SRGAP2: variants seen among roughly 807,000 people sequenced by gnomAD.
The protein encoded by SRGAP2 is SLIT-ROBO Rho GTPase-activating protein 2.
In SRGAP2, 15 loss-of-function variants were observed where a neutral mutation model predicts 57.2. The observed-to-expected ratio is 0.26, with a 90% CI of 0.18 to 0.40. The LOEUF (loss-of-function observed/expected upper bound fraction) is 0.40, where lower values mean the gene tolerates loss of function less well. Among genes scored for constraint, SRGAP2 ranks in the 10% least tolerant of loss-of-function variants. The probability of loss-of-function intolerance (pLI) is 1.00; values close to 1 mark genes in which losing one functional copy is unlikely to be tolerated. For missense variants in SRGAP2, 520 were observed against 669.6 expected (o/e 0.78, Z 2.47); for synonymous variants, 249 against 248.0 (o/e 1.00, Z -0.04).
At chr1:206,441,056 C>T (rs184610841) in intron 17 of SRGAP2, among the ~76,000 whole-genome samples, 1 of 152,132 alleles carries the variant, frequency 6.6e-6, no homozygotes, top group Non-Finnish European at 1.5e-5. Flanking sequence ...CAGGATTTGC[C>T]CATGGATTAT....
At chr1:206,277,163 C>T (rs1232687273) in intron 2 of SRGAP2, among the ~76,000 whole-genome samples, 1 of 148,126 alleles carries the variant, frequency 6.8e-6, no homozygotes, top group Non-Finnish European at 1.5e-5. Context: ...CGAGATTTCT[C>T]CATGTTGTTC....
At chr1:206,341,131 G>A (rs574471851) in intron 3 of SRGAP2, among the ~76,000 whole-genome samples, 16 of 152,328 alleles carry the variant, frequency 1.1e-4, no homozygotes, top group African/African-American at 3.8e-4. Context: ...AGTATGGCAT[G>A]ATTATTTGTT....
chr1:206,307,643 A>G (rs1360840658), intron 3 of SRGAP2, among the ~76,000 whole-genome samples: 29 of 152,326 alleles, frequency 1.9e-4, no homozygotes, highest in Non-Finnish European at 3.5e-4. Flanking sequence ...CACAGCGCCG[A>G]TGGGCCGGCA....
rs200308937 is a variant in SRGAP2, at chr1:206,461,118, G to A, written c.2914G>A (p.Val972Met). Residue 972 changes from valine to methionine, a missense_variant, in exon 23 of 23, where the codon GTG becomes ATG. Around this residue, in one of 5 missense-constraint regions of SRGAP2, gnomAD observed 478 missense variants for 373.6 expected, o/e 1.28. Coordinates refer to ENST00000573034, the MANE Select transcript of SRGAP2 (RefSeq NM_015326.5). ...GAGCAGTGTCAAACACACCCCTGAC[G>A]TGGTTCTGGACACCTTGGAGCCCCT... ...RQSSVKHTPD[V>M]VLDTLEPLKT... 205 of 779,820 alleles carry A rather than the reference G, an allele frequency of 2.6e-4. No homozygotes were observed. Among genetic ancestry groups the A allele is most frequent in the Non-Finnish European group, 1.0e-4 (43 of 417,258 alleles). 48.3% of individuals were successfully genotyped at this position (779,820 alleles called of 1,614,324 possible). A position where few individuals can be genotyped will look rare whatever the true frequency, so the allele number is the denominator to read the frequency against.
At chr1:206,459,316 A>G (rs1664079029) in intron 22 of SRGAP2, among the ~76,000 whole-genome samples, 1 of 151,416 alleles carries the variant, frequency 6.6e-6, no homozygotes, top group African/African-American at 2.5e-5. Context: ...ATCAGGTGTA[A>G]TCCTGGCCAC....
intron 2 of SRGAP2, among the ~76,000 whole-genome samples, chr1:206,243,661 G>C (rs1186258788): frequency 6.6e-6 from 1 of 152,204 alleles, no homozygotes; most frequent in Non-Finnish European, 1.5e-5. Context: ...GGGATCTAGA[G>C]AGAAAGGGCA....
chr1:206,458,554 C>A (rs1452106924), intron 21 of SRGAP2, 69 bp from the exon 22 acceptor site: 4 of 673,384 alleles, frequency 5.9e-6, no homozygotes, highest in Non-Finnish European at 8.2e-6. Context: ...TCTGCCCCCT[C>A]CCACTTATCC....
intron 2 of SRGAP2, among the ~76,000 whole-genome samples, chr1:206,227,104 A>G (rs1667321167): frequency 6.6e-6 from 1 of 151,808 alleles, no homozygotes; most frequent in African/African-American, 2.4e-5. Flanking sequence ...TGACTGTGCC[A>G]ATACTGTACT....
intron 17 of SRGAP2, among the ~76,000 whole-genome samples, chr1:206,441,385 C>T (rs1377292515): frequency 2.0e-5 from 3 of 152,094 alleles, no homozygotes; most frequent in Non-Finnish European, 2.9e-5. Flanking sequence ...GAGGGGGCCG[C>T]GGGTGTGGAT....
At chr1:206,393,512 A>G (rs1368247756) in intron 6 of SRGAP2, 33 bp from the exon 7 acceptor site, 3 of 760,708 alleles carry the variant, frequency 3.9e-6, no homozygotes, top group Non-Finnish European at 2.4e-6. Flanking sequence ...TTAAAAAAAA[A>G]AAGGTAAAAG....
intron 4 of SRGAP2, among the ~76,000 whole-genome samples, chr1:206,372,960 CTTTCCTTTCTTTCTTTCTTT>C (rs1558358749): frequency 0.055 from 994 of 17,992 alleles, 107 homozygotes; most frequent in Middle Eastern, 0.16. Flanking sequence ...TCTTTCTTTT[CTTTCCTTTCTTTCTTTCTTT>C]CTTTCTTTCT....
chr1:206,341,010 A>G (rs2102912874), intron 3 of SRGAP2, among the ~76,000 whole-genome samples: 1 of 152,362 alleles, frequency 6.6e-6, no homozygotes, highest in Non-Finnish European at 1.5e-5. Flanking sequence ...GTACCTGGAT[A>G]TAGGTTTAGA....
chr1:206,436,017 A>G (rs1207665790), intron 14 of SRGAP2, among the ~76,000 whole-genome samples: 3 of 152,168 alleles, frequency 2.0e-5, no homozygotes, highest in Non-Finnish European at 2.9e-5. Context: ...ACTTCATAGC[A>G]AGCTTGTTCA....
At chr1:206,333,476 G>A (rs1458121917) in intron 3 of SRGAP2, 18 of 1,490,484 alleles carry the variant, frequency 1.2e-5, no homozygotes, top group South Asian at 7.9e-5. Context: ...GGGGCGAGGC[G>A]AAGGTCTCTG....
At chr1:206,314,640 G>A (rs79149749) in intron 3 of SRGAP2, among the ~76,000 whole-genome samples, 4,102 of 152,248 alleles carry the variant, frequency 0.027, 60 homozygotes, top group African/African-American at 0.032. Flanking sequence ...TGCACAGAGG[G>A]GATGGTTGAA....
intron 4 of SRGAP2, among the ~76,000 whole-genome samples, chr1:206,347,196 G>T (rs1213416610): frequency 1.6e-4 from 24 of 149,334 alleles, no homozygotes; most frequent in African/African-American, 5.9e-4. Flanking sequence ...AGGCTGCAGT[G>T]ATCTATAATC....
At chr1:206,397,808 CG>C (rs1657753063) in intron 7 of SRGAP2, among the ~76,000 whole-genome samples, 1 of 127,326 alleles carries the variant, frequency 7.9e-6, no homozygotes. Flanking sequence ...TTGTAAGTGC[CG>C]TGTACATGTA....
In SRGAP2 at chr1:206,454,177, C is replaced by G; in HGVS notation, c.2361-701C>G. The G allele has an allele frequency of 1.4e-6, 1 of 702,568 alleles. No individual in the cohort carries two copies. The allele number at this position is 702,568 out of a possible 1,614,324, so 43.5% of individuals were successfully genotyped here. A position where few individuals can be genotyped will look rare whatever the true frequency, so the allele number is the denominator to read the frequency against. On this transcript the variant is annotated intron_variant, in intron 20 of 22. Coordinates refer to ENST00000573034, the MANE Select transcript of SRGAP2 (RefSeq NM_015326.5). The surrounding 1 kb of genome is among the most constrained non-coding windows in gnomAD (Gnocchi z 4.3). ...CCTGAGTGAGTCTGCACCCTCCCAGCCTCTTCCCGGCTCGTTCTGCAGGGA... is the reference window on the plus strand; with the variant it reads ...CCTGAGTGAGTCTGCACCCTCCCAGGCTCTTCCCGGCTCGTTCTGCAGGGA...
At chr1:206,296,642 G>A (rs1671613384) in intron 2 of SRGAP2, among the ~76,000 whole-genome samples, 1 of 152,162 alleles carries the variant, frequency 6.6e-6, no homozygotes, top group African/African-American at 2.4e-5. Flanking sequence ...ATGTTGCCCA[G>A]GCTCGTCTGG....
Sources: allele counts gnomAD v4.1 joint callset (sites outside exome capture counted in the v4.1 genomes callset), GRCh38; gene constraint gnomAD v4.1.1; regional missense constraint gnomAD v4.1.1; non-coding constraint Gnocchi (gnomAD v3.1); transcripts MANE v1.5; gene names NCBI Gene and HGNC (gene_info 2026-07-23, HGNC 2026-07-21).